Variants in COL4A2 observed in about 807,000 individuals in gnomAD.
COL4A2 encodes collagen type IV alpha 2 chain.
Under a neutral mutation model 200.2 loss-of-function variants are expected in COL4A2, and 99 were observed. The observed-to-expected ratio is 0.49, with a 90% CI of 0.42 to 0.58. The LOEUF (loss-of-function observed/expected upper bound fraction) is 0.58. Ranked by LOEUF, COL4A2 falls within the 20% of genes least tolerant of loss-of-function variation. COL4A2 has a pLI of 0.00. For synonymous variants in COL4A2, 897 were observed against 900.6 expected (o/e 1.00, Z 0.07); for missense variants, 1,950 against 2,314.1 (o/e 0.84, Z 3.23).
In COL4A2 at chr13:110,508,910, T is replaced by C. The variant is rs1257100934; in HGVS notation, c.4881+689T>C. ...TATTGCCTATTAAAGCAGAGGCTCC[T>C]CAACTTGGAATAGGGTCCCGTCCCG... On this transcript the variant is annotated intron_variant, in intron 47 of 47. Coordinates refer to ENST00000360467, the MANE Select transcript of COL4A2 (RefSeq NM_001846.4). This position sits in a 1 kb window ranked among gnomAD's most constrained non-coding sequence, Gnocchi z 6.1. Among the ~76,000 whole-genome samples the C allele has an allele frequency of 6.6e-6, 1 of 152,130 alleles. No individual in the cohort carries two copies. The highest frequency in any genetic ancestry group is 1.5e-5 in the Non-Finnish European group (1 of 68,036).
chr13:110,434,886 C>T (rs1401132597), intron 12 of COL4A2, among the ~76,000 whole-genome samples: 2 of 152,250 alleles, frequency 1.3e-5, no homozygotes, highest in Admixed American at 6.5e-5. Context: ...TGTGGCTTTT[C>T]TCCTTCCTTA....
At chr13:110,416,306 T>A (rs188798510) in intron 4 of COL4A2, among the ~76,000 whole-genome samples, 760 of 152,378 alleles carry the variant, frequency 5.0e-3, no homozygotes, top group Non-Finnish European at 8.0e-3. Flanking sequence ...TGCTTCCTCC[T>A]GGCCCTTTCC....
intron 27 of COL4A2, among the ~76,000 whole-genome samples, chr13:110,467,660 G>T (rs79603296): frequency 6.6e-6 from 1 of 152,102 alleles, no homozygotes; most frequent in African/African-American, 2.4e-5. Context: ...CAGTGTTGGC[G>T]GTGCAGGCCT....
chr13:110,439,732 C>A, intron 15 of COL4A2, 57 bp from the exon 16 acceptor site: 1 of 1,612,570 alleles, frequency 6.2e-7, no homozygotes, highest in South Asian at 1.1e-5. Flanking sequence ...GTCAAGCCCT[C>A]TGGAAATGTC....
At chr13:110,336,967 A>G (rs1013421890) in intron 3 of COL4A2, among the ~76,000 whole-genome samples, 5 of 152,188 alleles carry the variant, frequency 3.3e-5, no homozygotes, top group Admixed American at 2.6e-4. Flanking sequence ...ACCAGTTCCT[A>G]TACAGGTTAC....
At chr13:110,396,762 C>CG (rs55912318) in intron 4 of COL4A2, among the ~76,000 whole-genome samples, 141,093 of 152,212 alleles carry the variant, frequency 0.93, 65,866 homozygotes, top group South Asian at 0.98. Flanking sequence ...GAATTAAAGG[C>CG]GTTTCCAATC....
intron 3 of COL4A2, among the ~76,000 whole-genome samples, chr13:110,347,376 C>T (rs940980616): frequency 2.0e-5 from 3 of 152,186 alleles, no homozygotes; most frequent in African/African-American, 4.8e-5. Context: ...CTCACAGCAG[C>T]CCTGTGCAAG....
intron 4 of COL4A2, among the ~76,000 whole-genome samples, chr13:110,368,698 A>G (rs1471200079): frequency 1.3e-5 from 2 of 152,174 alleles, no homozygotes; most frequent in African/African-American, 4.8e-5. Flanking sequence ...GTTGAGCTGT[A>G]GAGGTTTCAC....
At chr13:110,507,076 C>T (rs766183397) in intron 46 of COL4A2, among the ~76,000 whole-genome samples, 1 of 152,174 alleles carries the variant, frequency 6.6e-6, no homozygotes, top group Non-Finnish European at 1.5e-5. Context: ...AAGGCATTAA[C>T]GCGACTTCGA....
At chr13:110,412,752 A>T (rs1879892588) in intron 4 of COL4A2, among the ~76,000 whole-genome samples, 1 of 152,204 alleles carries the variant, frequency 6.6e-6, no homozygotes, top group Non-Finnish European at 1.5e-5. Context: ...CTAAATTTGG[A>T]GGAGGGAGTC....
At position 110,428,557 on chromosome 13, in the gene COL4A2, G is replaced by A. The variant is rs746743018; in HGVS notation, c.451G>A (p.Gly151Ser). ...AGACTCAGGTCCACAGGGGCCCCCC[G>A]GCTCTGAGGGGTTCACCGGGCCTCC... ...QGDSGPQGPP[G>S]SEGFTGPPGP... is the part of the protein sequence containing the mutation. The change falls in exon 7 of 48, where the codon GGC becomes AGC. Residue 151 changes from glycine to serine, a missense_variant. This residue lies in a region of COL4A2 where 565 missense variants were observed against 593.5 expected (regional missense o/e 0.95). Coordinates refer to ENST00000360467, the MANE Select transcript of COL4A2 (RefSeq NM_001846.4). 10 of 1,561,132 alleles carry A rather than the reference G, an allele frequency of 6.4e-6. No homozygotes were observed. Among genetic ancestry groups the A allele is most frequent in the Admixed American group, 2.1e-5 (1 of 47,066 alleles).
chr13:110,423,202 A>G (rs1880320189), intron 4 of COL4A2, among the ~76,000 whole-genome samples: 1 of 152,234 alleles, frequency 6.6e-6, no homozygotes, highest in Non-Finnish European at 1.5e-5. Flanking sequence ...GAAATGTTAA[A>G]ATATAACTAT....
intron 46 of COL4A2, 46 bp downstream of exon 46, chr13:110,506,652 C>T (rs755852817): frequency 2.5e-5 from 38 of 1,523,172 alleles, no homozygotes; most frequent in Admixed American, 1.3e-4. Context: ...AGGGCTGGCC[C>T]GGAAGTGGCC....
At position 110,462,160 on chromosome 13, in the gene COL4A2, G is replaced by A; in HGVS notation, c.1643G>A (p.Gly548Glu). 1 of 1,614,278 alleles carries A rather than the reference G, an allele frequency of 6.2e-7. No homozygotes were observed. The highest frequency in any genetic ancestry group is 1.1e-5 in the South Asian group (1 of 91,090). ...IGAPGPKGAK[G>E]DSRTITTKGE... is the part of the protein sequence containing the mutation. ...GCTCCCGGACCCAAAGGAGCAAAAG[G>A]AGATTCCAGAACAATCACAACCAAA... The change falls in exon 23 of 48, where the codon GGA becomes GAA. Residue 548 changes from glycine to glutamate, a missense_variant. By Grantham distance (98) the Gly-to-Glu change is moderately conservative (BLOSUM62 -2). Around this residue, in one of 2 missense-constraint regions of COL4A2, gnomAD observed 1,385 missense variants for 1,720.5 expected, o/e 0.80. Transcript: ENST00000360467.
chr13:110,310,202 T>C (rs898954074), intron 3 of COL4A2, among the ~76,000 whole-genome samples: 3 of 152,216 alleles, frequency 2.0e-5, no homozygotes, highest in African/African-American at 7.2e-5. Flanking sequence ...GATCTTTGGA[T>C]GGCACCAAGA....
intron 6 of COL4A2, among the ~76,000 whole-genome samples, chr13:110,425,704 A>C (rs1230304160): frequency 6.6e-6 from 1 of 152,026 alleles, no homozygotes; most frequent in Non-Finnish European, 1.5e-5. Context: ...ACACATATAC[A>C]CAGATGTGTG....
At chr13:110,458,090 C>T (rs1304014400) in intron 21 of COL4A2, 1 of 468,466 alleles carries the variant, frequency 2.1e-6, no homozygotes, top group South Asian at 1.6e-5. Context: ...CTGGGACTTA[C>T]CACGTCTTGG....
chr13:110,346,969 G>C (rs976677586), intron 3 of COL4A2, among the ~76,000 whole-genome samples: 1 of 152,220 alleles, frequency 6.6e-6, no homozygotes, highest in South Asian at 2.1e-4. Flanking sequence ...TGCCAAGTGC[G>C]AACACCTGGG....
At chr13:110,401,232 A>G (rs919437347) in intron 4 of COL4A2, among the ~76,000 whole-genome samples, 3 of 152,250 alleles carry the variant, frequency 2.0e-5, no homozygotes, top group African/African-American at 7.2e-5. Flanking sequence ...TGTCAAAACT[A>G]AAACCTGTTT....
Sources: gnomAD v4.1 joint callset for allele counts (sites outside exome capture counted in the v4.1 genomes callset) on GRCh38, gnomAD v4.1.1 for gene constraint, gnomAD v4.1.1 regional missense constraint, Gnocchi (gnomAD v3.1) non-coding constraint, MANE v1.5 for transcripts, NCBI Gene and HGNC (gene_info 2026-07-23, HGNC 2026-07-21) for gene names.